The following MGAM variants were observed in gnomAD, a reference collection of about 807,000 sequenced individuals.
MGAM encodes maltase-glucoamylase, also known as alpha-1,4-glucosidase.
In MGAM, 253 loss-of-function variants were observed where a neutral mutation model predicts 358.8. The ratio of observed to expected loss-of-function variants is 0.71; its 90% confidence interval spans 0.64 to 0.78. MGAM has a LOEUF of 0.78. Ranked by LOEUF, MGAM falls within the 30% of genes least tolerant of loss-of-function variation. The pLI, the probability that MGAM is intolerant of heterozygous loss-of-function variation, is 0.00. For synonymous variants in MGAM, 1,105 were observed against 1,227.1 expected, an observed-to-expected ratio of 0.90 and a Z score of 2.08; for missense variants, 3,080 against 3,432.6, an observed-to-expected ratio of 0.90 and a Z score of 2.57.
intron 21 of MGAM, among the ~76,000 whole-genome samples, chr7:142,041,963 ATATATATTATAT>A (rs1808730924): frequency 1.8e-5 from 1 of 56,980 alleles, no homozygotes; most frequent in Non-Finnish European, 2.9e-5. Flanking sequence ...TATATAATAT[ATATATATTATAT>A]ATATATAATA....
chr7:142,104,762 G>T (rs1219394133), intron 70 of MGAM, among the ~76,000 whole-genome samples: 1 of 152,186 alleles, frequency 6.6e-6, no homozygotes, highest in Non-Finnish European at 1.5e-5. Flanking sequence ...GCTCTTGTCA[G>T]ATGAATGTTA....
At chr7:142,087,099 T>C (rs56222186) in intron 57 of MGAM, among the ~76,000 whole-genome samples, 60,420 of 135,498 alleles carry the variant, frequency 0.45, 17,198 homozygotes, top group Middle Eastern at 0.6. Flanking sequence ...GTTGTTGCCT[T>C]GGTTATCCCT....
At chr7:142,034,195 T>G (rs932180061) in intron 14 of MGAM, 67 bp from the exon 15 acceptor site, 13 of 1,069,356 alleles carry the variant, frequency 1.2e-5, no homozygotes, top group Middle Eastern at 2.1e-4. Flanking sequence ...CATTTCGGAT[T>G]GTGATAGTCA....
intron 59 of MGAM, 37 bp downstream of exon 59, chr7:142,092,645 G>C (rs1563218952): frequency 6.8e-7 from 1 of 1,480,796 alleles, no homozygotes; most frequent in Non-Finnish European, 9.2e-7. Flanking sequence ...GCAGAGCCAT[G>C]ATTGAAAGAA....
chr7:142,084,080 CT>C (rs1398608247), intron 53 of MGAM, among the ~76,000 whole-genome samples: 1 of 146,298 alleles, frequency 6.8e-6, no homozygotes, highest in African/African-American at 2.4e-5. Flanking sequence ...TGTTAGAGCA[CT>C]TTGCACATAG....
At position 142,065,838 on chromosome 7, in the gene MGAM, C is replaced by T. The variant is rs1563188100; in HGVS notation, c.4770+7C>T. The T allele has an allele frequency of 6.5e-7, 1 of 1,531,492 alleles. No homozygotes were observed. The highest frequency in any genetic ancestry group is 2.3e-5 in the East Asian group (1 of 43,808). 94.9% of individuals were successfully genotyped at this position (1,531,492 alleles called of 1,614,324 possible). A position where few individuals can be genotyped will look rare whatever the true frequency, so the allele number is the denominator to read the frequency against. ...CAATACCATTGGGACCAGGGTAGGA[C>T]AGTGGCTTCTACCTCCACTGTTTTA... On this transcript the variant is annotated splice_region_variant and intron_variant, in intron 40 of 70. Coordinates refer to ENST00000475668, the MANE Select transcript of MGAM (RefSeq NM_001365693.1).
chr7:142,036,995 C>T lies in MGAM; in HGVS notation c.2231+18C>T. ...TTGCATGAGTAAGTTCACCTAACCT[C>T]CTTAAATTTTATTAATGCATCTGGA... is the stretch of plus-strand genomic sequence containing the variant. On this transcript the variant is annotated intron_variant, in intron 18 of 70. Coordinates refer to ENST00000475668, the MANE Select transcript of MGAM (RefSeq NM_001365693.1). 5 of 1,605,512 alleles carry T rather than the reference C, an allele frequency of 3.1e-6. No homozygotes were observed. Among genetic ancestry groups the T allele is most frequent in the Non-Finnish European group, 4.3e-6 (5 of 1,175,994 alleles).
In MGAM at chr7:142,023,446, T is replaced by TAC. The variant is rs1252779809; in HGVS notation, c.882+1021_882+1022dup. On this transcript the variant is annotated intron_variant, in intron 7 of 70. Coordinates refer to ENST00000475668, the MANE Select transcript of MGAM (RefSeq NM_001365693.1). Reference sequence around the variant, plus strand: ...TTTATTAGTCATATATATATATATATACACACACACACACATACATGTTTG... The same window carrying TAC: ...TTTATTAGTCATATATATATATATATACACACACACACACACATACATGTTTG... Among the ~76,000 whole-genome samples, 1,421 of 150,770 alleles carry TAC rather than the reference T, an allele frequency of 9.4e-3. 21 individuals are homozygous for TAC. The highest frequency in any genetic ancestry group is 0.033 in the African/African-American group (1,336 of 40,970).
chr7:142,047,968 T>C, intron 22 of MGAM, 95 bp downstream of exon 22: 1 of 978,278 alleles, frequency 1.0e-6, no homozygotes, highest in South Asian at 1.4e-5. Context: ...GGGAGAAATC[T>C]CAGTAGGCAC....
chr7:142,040,038 GATTA>G, intron 19 of MGAM, 73 bp from the exon 20 acceptor site: 1 of 1,119,148 alleles, frequency 8.9e-7, no homozygotes. Flanking sequence ...CTCTGTGTAT[GATTA>G]AGAAATTCCC....
chr7:142,068,444 A>G (rs1231959042), intron 42 of MGAM, among the ~76,000 whole-genome samples: 5 of 145,798 alleles, frequency 3.4e-5, no homozygotes, highest in African/African-American at 9.8e-5. Flanking sequence ...AAAGTGCTTT[A>G]TGAAAGCCAC....
At chr7:142,012,209 G>A (rs992647868) in intron 3 of MGAM, among the ~76,000 whole-genome samples, 7 of 151,992 alleles carry the variant, frequency 4.6e-5, no homozygotes, top group South Asian at 2.1e-4. Flanking sequence ...AGGTTCTTTT[G>A]TGCTGCTATA....
chr7:142,073,287 A>G (rs1463988548), intron 44 of MGAM, among the ~76,000 whole-genome samples: 2 of 146,366 alleles, frequency 1.4e-5, no homozygotes, highest in Admixed American at 6.9e-5. Context: ...ATTTAAAGAA[A>G]GCAGATGATT....
intron 64 of MGAM, 46 bp downstream of exon 64, chr7:142,095,759 C>T (rs1467890611): frequency 1.2e-6 from 2 of 1,604,632 alleles, no homozygotes; most frequent in Non-Finnish European, 1.7e-6. Context: ...TGACTTATTG[C>T]ATTCTATATG....
chr7:142,005,590 G>A lies in MGAM; in HGVS notation c.60G>A (p.Leu20=). The change falls in exon 2 of 71, where the codon CTG becomes CTA. Residue 20 remains leucine (L), a synonymous_variant. Transcript: ENST00000475668. ...TTLEIVLSVL[L]LVLFIISIVL... The stretch of plus-strand genomic sequence containing the variant: ...TGGAGATTGTGCTCAGTGTTCTTCT[G>A]CTTGTGTTGTTTATCATCAGTATTG... 1 of 1,585,182 alleles carries A rather than the reference G, an allele frequency of 6.3e-7. No homozygotes were observed. Among genetic ancestry groups the A allele is most frequent in the African/African-American group, 1.4e-5 (1 of 74,000 alleles).
intron 65 of MGAM, among the ~76,000 whole-genome samples, chr7:142,097,174 T>C (rs995418446): frequency 3.3e-5 from 5 of 152,092 alleles, no homozygotes; most frequent in Non-Finnish European, 7.4e-5. Context: ...CCTGACCTCA[T>C]GATCCGCCTG....
intron 10 of MGAM, among the ~76,000 whole-genome samples, chr7:142,029,315 G>A (rs1455942503): frequency 3.9e-5 from 6 of 152,002 alleles, no homozygotes; most frequent in South Asian, 2.1e-4. Flanking sequence ...AGCTGAGATC[G>A]TGCCACTGTA....
rs1462850295 is a variant in MGAM, at chr7:142,060,376, A to G, written c.4122+3A>G. On this transcript the variant is annotated splice_donor_region_variant and intron_variant, in intron 34 of 70. Transcript: ENST00000475668. The stretch of plus-strand genomic sequence containing the variant: ...TAGACTGGGACAGCCAAGTGGAGGT[A>G]AAAGGGTGTTTGTAAATTTGGGTGG... 1.2e-6 allele frequency: 2 copies of G among 1,613,834 alleles called. No individual in the cohort carries two copies. Among genetic ancestry groups the G allele is most frequent in the African/African-American group, 1.3e-5 (1 of 74,956 alleles).
rs1585063680 is a variant in MGAM at position 142,076,064 on chromosome 7, T to C, written c.5276-139T>C. ...AGTATACATTGATGAATGAATACAA[T>C]GGAATATTATTCATCCATAAGGTAA... is the stretch of plus-strand genomic sequence containing the variant. On this transcript the variant is annotated intron_variant, in intron 45 of 70. Transcript: ENST00000475668. 7.2e-6 allele frequency: 5 copies of C among 698,534 alleles called. 1 individual carries two copies. Among genetic ancestry groups the C allele is most frequent in the East Asian group, 5.3e-5 (2 of 37,680 alleles). The allele number at this position is 698,534 out of a possible 1,614,324, so 43.3% of individuals were successfully genotyped here. A position where few individuals can be genotyped will look rare whatever the true frequency, so the allele number is the denominator to read the frequency against.
Sources: gnomAD v4.1 joint callset for allele counts (sites outside exome capture counted in the v4.1 genomes callset) on GRCh38, gnomAD v4.1.1 for gene constraint, MANE v1.5 for transcripts, NCBI Gene and HGNC (gene_info 2026-07-23, HGNC 2026-07-21) for gene names.